LOXL3: variants seen among roughly 807,000 people sequenced by gnomAD.
The protein encoded by LOXL3 is lysyl oxidase like 3, also known as lysyl oxidase homolog 3.
A neutral mutation model predicts 91.8 loss-of-function variants in LOXL3; 60 were observed. The ratio of observed to expected loss-of-function variants is 0.65; its 90% CI spans 0.53 to 0.81. The LOEUF (loss-of-function observed/expected upper bound fraction) is 0.81, where lower values mean the gene tolerates loss of function less well. LOXL3 is among the 30% of genes least tolerant of loss of function. The pLI is 0.00. For missense variants in LOXL3, 874 were observed against 1,000.4 expected, an observed-to-expected ratio of 0.87 and a Z score of 1.70; for synonymous variants, 355 against 387.6, an observed-to-expected ratio of 0.92 and a Z score of 0.99.
At chr2:74,553,512 C>T (rs1462523592) in intron 1 of LOXL3, among the ~76,000 whole-genome samples, 1 of 152,200 alleles carries the variant, frequency 6.6e-6, no homozygotes, top group East Asian at 1.9e-4. Flanking sequence ...TCAGCCAAGG[C>T]CTTCTCTGCC....
In LOXL3 at chr2:74,550,246, TC is replaced by T. The variant is rs1451856120; in HGVS notation, c.415del (p.Asp139MetfsTer22). ...WGNSDCTHDE[D>X]AGVICKDQRL... is the part of the protein sequence containing the mutation. ...CTGGTCTTTGCAGATGACCCCAGCA[TC>T]CTCATCGTGCGTACAGTCACTGTTC... On this transcript the variant is annotated frameshift_variant, in exon 3 of 14. Transcript: ENST00000264094. LOFTEE classifies it high-confidence loss of function. The T allele has an allele frequency of 6.2e-7, 1 of 1,614,184 alleles. No individual in the cohort carries two copies. The highest frequency in any genetic ancestry group is 1.7e-5 in the Admixed American group (1 of 60,022).
intron 4 of LOXL3, among the ~76,000 whole-genome samples, chr2:74,547,918 A>G (rs573484094): frequency 6.6e-5 from 10 of 152,262 alleles, no homozygotes; most frequent in Non-Finnish European, 1.2e-4. Flanking sequence ...GATTTTATCA[A>G]AAACTAACAG....
At chr2:74,541,946 A>G (rs1676347567) in intron 4 of LOXL3, among the ~76,000 whole-genome samples, 1 of 152,146 alleles carries the variant, frequency 6.6e-6, no homozygotes, top group African/African-American at 2.4e-5. Flanking sequence ...CTTCATTCAC[A>G]GATGTGTTTG....
chr2:74,545,921 T>C (rs1046818998), intron 4 of LOXL3, among the ~76,000 whole-genome samples: 1 of 152,178 alleles, frequency 6.6e-6, no homozygotes. Context: ...GCCACTTCAA[T>C]GTCTTAAAGA....
chr2:74,545,672 T>C lies in LOXL3; in HGVS notation c.692+3697A>G, dbSNP rs181027983. ...GGTCACTCTCTCCTCTTCGAAGCAC[T>C]TTACTTGGCTCCCAGGCCACCACAC... On this transcript the variant is annotated intron_variant, in intron 4 of 13. Coordinates refer to ENST00000264094, the MANE Select transcript of LOXL3 (RefSeq NM_032603.5). 1.9e-3 allele frequency among the ~76,000 whole-genome samples: 292 copies of C among 152,326 alleles called. 2 individuals are homozygous for C. Among genetic ancestry groups the C allele is most frequent in the African/African-American group, 6.7e-3 (278 of 41,562 alleles).
upstream of LOXL3, chr2:74,554,758 G>T: frequency 6.2e-7 from 1 of 1,613,770 alleles, no homozygotes; most frequent in Non-Finnish European, 8.5e-7. This position sits in a 1 kb window ranked among gnomAD's most constrained non-coding sequence, Gnocchi z 4.9. Context: ...GGGGGCCATG[G>T]ACGGAGCAGT....
rs765730873 is a variant in LOXL3 at position 74,535,675 on chromosome 2, G to A, written c.1329C>T (p.Gly443=). 8.1e-6 allele frequency: 13 copies of A among 1,612,232 alleles called. No homozygotes were observed. The highest frequency in any genetic ancestry group is 1.7e-5 in the Admixed American group (1 of 59,368). ...QIGGPGPLRW[G]LICGDDWGTL... ...TCCCCCAGTCATCCCCACAGATGAGGCCCCAGCGAAGGGGCCCAGGTCCCC... is the reference window on the plus strand; with the variant it reads ...TCCCCCAGTCATCCCCACAGATGAGACCCCAGCGAAGGGGCCCAGGTCCCC... Residue 443 remains glycine, a synonymous_variant, in exon 8 of 14, where the codon GGC becomes GGT. Transcript: ENST00000264094. This position sits in a 1 kb window ranked among gnomAD's most constrained non-coding sequence, Gnocchi z 4.2.
chr2:74,533,493 TG>T lies in LOXL3; in HGVS notation c.*112del. 1 of 858,076 alleles carries T rather than the reference TG, an allele frequency of 1.2e-6. No individual in the cohort carries two copies. Among genetic ancestry groups the T allele is most frequent in the South Asian group, 1.5e-5 (1 of 65,064 alleles). 53.2% of individuals were successfully genotyped at this position (858,076 alleles called of 1,614,324 possible). A position where few individuals can be genotyped will look rare whatever the true frequency, so the allele number is the denominator to read the frequency against. On this transcript the variant is annotated 3_prime_UTR_variant, in exon 14 of 14. Transcript: ENST00000264094. ...TTGACAGTTCCACATCCATAGTGCA[TG>T]GTCTGATGAGTGCGGTTGCTGACAT... is the stretch of plus-strand genomic sequence containing the variant.
upstream of LOXL3, chr2:74,555,043 G>A: frequency 1.4e-6 from 2 of 1,443,242 alleles, no homozygotes; most frequent in South Asian, 1.3e-5. This position sits in a 1 kb window ranked among gnomAD's most constrained non-coding sequence, Gnocchi z 6.1. Context: ...CCCCAACCCC[G>A]TTTGGAAGCC....
At chr2:74,537,184 G>A (rs1676080788) in intron 4 of LOXL3, among the ~76,000 whole-genome samples, 1 of 152,226 alleles carries the variant, frequency 6.6e-6, no homozygotes, top group Admixed American at 6.5e-5. Flanking sequence ...AGAGAAGGAT[G>A]GCTAGTCTCG....
intron 4 of LOXL3, among the ~76,000 whole-genome samples, chr2:74,542,870 C>G (rs1249140992): frequency 6.6e-6 from 1 of 152,108 alleles, no homozygotes; most frequent in East Asian, 1.9e-4. Context: ...GGTGATTCAC[C>G]TGCCTTGGCC....
Position 74,535,848 on chromosome 2 carries a change from A to C in LOXL3, c.1249-93T>G, listed in dbSNP as rs570005563. Reference sequence around the variant, plus strand: ...TGTGGCTGAAGCGTGACTCAGGCACATAATGGGCTAGCAAGTGATGGGTCA... The same window carrying C: ...TGTGGCTGAAGCGTGACTCAGGCACCTAATGGGCTAGCAAGTGATGGGTCA... On this transcript the variant is annotated intron_variant, in intron 7 of 13. Transcript: ENST00000264094. The surrounding 1 kb of genome is among the most constrained non-coding windows in gnomAD (Gnocchi z 4.2). The C allele has an allele frequency of 9.4e-6, 14 of 1,490,690 alleles. No homozygotes were observed. Among genetic ancestry groups the C allele is most frequent in the African/African-American group, 1.4e-5 (1 of 71,374 alleles). The allele number at this position is 1,490,690 out of a possible 1,614,324, so 92.3% of individuals were successfully genotyped here.
In LOXL3 at chr2:74,536,235, G is replaced by GC. The variant is rs1558619593; in HGVS notation, c.1093+55dup. 3.1e-6 allele frequency: 5 copies of GC among 1,611,680 alleles called. No individual in the cohort carries two copies. The highest frequency in any genetic ancestry group is 2.2e-5 in the East Asian group (1 of 44,872). ...GACACCTAACCTTCCGAAGGAATAT[G>GC]CCCCCCAGGAGCATGTACCTCCTTC... is the stretch of plus-strand genomic sequence containing the variant. On this transcript the variant is annotated intron_variant, in intron 6 of 13. Transcript: ENST00000264094. The surrounding 1 kb of genome is among the most constrained non-coding windows in gnomAD (Gnocchi z 4.5).
At chr2:74,543,899 T>TAAAAAAAAAAAAAAAAAAAA (rs1352260802) in intron 4 of LOXL3, among the ~76,000 whole-genome samples, 2 of 49,318 alleles carry the variant, frequency 4.1e-5, no homozygotes, top group Non-Finnish European at 6.8e-5. Context: ...AGGCTCTGTC[T>TAAAAAAAAAAAAAAAAAAAA]CAAAAAAAAA....
chr2:74,554,782 C>G (rs748283135), upstream of LOXL3: 7 of 1,614,106 alleles, frequency 4.3e-6, no homozygotes, highest in South Asian at 7.7e-5. This position sits in a 1 kb window ranked among gnomAD's most constrained non-coding sequence, Gnocchi z 4.9. Context: ...GGAAGGGCCG[C>G]TTTTTTTGCA....
At chr2:74,555,576 A>C, upstream of LOXL3, 1 of 1,614,074 alleles carries the variant, frequency 6.2e-7, no homozygotes. The surrounding 1 kb of genome is among the most constrained non-coding windows in gnomAD (Gnocchi z 6.1). Flanking sequence ...CTACTACAGA[A>C]AGGCAGCTGG....
At chr2:74,554,782 C>A (rs748283135), upstream of LOXL3, 2 of 1,614,106 alleles carry the variant, frequency 1.2e-6, no homozygotes, top group East Asian at 2.2e-5. The surrounding 1 kb of genome is among the most constrained non-coding windows in gnomAD (Gnocchi z 4.9). Flanking sequence ...GGAAGGGCCG[C>A]TTTTTTTGCA....
intron 1 of LOXL3, among the ~76,000 whole-genome samples, chr2:74,553,456 C>T (rs1215598570): frequency 2.6e-5 from 4 of 152,228 alleles, no homozygotes; most frequent in African/African-American, 9.6e-5. Flanking sequence ...CTGCCAACAC[C>T]ACCATCCCTG....
chr2:74,548,034 A>G (rs964791660), intron 4 of LOXL3, among the ~76,000 whole-genome samples: 1 of 152,278 alleles, frequency 6.6e-6, no homozygotes, highest in Non-Finnish European at 1.5e-5. Flanking sequence ...TGGAAGGAAC[A>G]TATTTTACAG....
Sources: allele counts gnomAD v4.1 joint callset (sites outside exome capture counted in the v4.1 genomes callset), GRCh38; gene constraint gnomAD v4.1.1; non-coding constraint Gnocchi (gnomAD v3.1); transcripts MANE v1.5; gene names NCBI Gene and HGNC (gene_info 2026-07-23, HGNC 2026-07-21).